Variants in TRARG1 observed in about 807,000 individuals in gnomAD.
The protein encoded by TRARG1 is trafficking regulator of GLUT4 1.
A neutral mutation model predicts 13.3 loss-of-function variants in TRARG1; 16 were observed. The ratio of observed to expected loss-of-function variants is 1.20; its 90% CI spans 0.81 to 1.83. The LOEUF (loss-of-function observed/expected upper bound fraction) is 1.83. Ranked by LOEUF, TRARG1 falls within the 40% of genes most tolerant of loss-of-function variation. The pLI, the probability that TRARG1 is intolerant of heterozygous loss-of-function variation, is 0.00. For missense variants in TRARG1, 250 were observed against 237.4 expected, an observed-to-expected ratio of 1.05 and a Z score of -0.35; for synonymous variants, 113 against 106.2, an observed-to-expected ratio of 1.06 and a Z score of -0.39.
intron 1 of TRARG1, among the ~76,000 whole-genome samples, chr17:1,285,990 G>C (rs570156275): frequency 6.6e-6 from 1 of 152,170 alleles, no homozygotes; most frequent in Non-Finnish European, 1.5e-5. Flanking sequence ...CCTTGGCCAC[G>C]CATAGATCCC....
intron 1 of TRARG1, among the ~76,000 whole-genome samples, chr17:1,287,262 C>G (rs1018525569): frequency 3.3e-5 from 5 of 151,820 alleles, no homozygotes; most frequent in Non-Finnish European, 7.4e-5. Flanking sequence ...GTTGAGGGAG[C>G]CCAGTGTTGA....
intron 1 of TRARG1, among the ~76,000 whole-genome samples, chr17:1,280,701 G>A (rs2071966978): frequency 6.6e-6 from 1 of 152,216 alleles, no homozygotes; most frequent in Non-Finnish European, 1.5e-5. Flanking sequence ...AAGATAGCCA[G>A]GCTGGGGGTC....
Position 1,279,836 on chromosome 17 carries a change from A to C in TRARG1, c.-166A>C. ...GCCTCTGAACTCAGCTGGCTTGAGAAGCTCAGCCCAACCCTTCCAGCACCC... is the reference window on the plus strand; with the variant it reads ...GCCTCTGAACTCAGCTGGCTTGAGACGCTCAGCCCAACCCTTCCAGCACCC... On this transcript the variant is annotated 5_prime_UTR_variant, in exon 1 of 3. Transcript: ENST00000333813. 3 of 731,704 alleles carry C rather than the reference A, an allele frequency of 4.1e-6. No individual in the cohort carries two copies. Among genetic ancestry groups the C allele is most frequent in the Non-Finnish European group, 6.3e-6 (3 of 472,876 alleles). The allele number at this position is 731,704 out of a possible 1,614,324, so 45.3% of individuals were successfully genotyped here.
At chr17:1,297,190 C>G (rs186749501) in intron 2 of TRARG1, among the ~76,000 whole-genome samples, 2 of 152,252 alleles carry the variant, frequency 1.3e-5, no homozygotes, top group Admixed American at 1.3e-4. Context: ...GTCAGAAACG[C>G]AGAACTCCAG....
Position 1,298,238 on chromosome 17 carries a change from TTTTTC to T in TRARG1, c.521-9_521-5del. 1 of 1,613,854 alleles carries T rather than the reference TTTTTC, an allele frequency of 6.2e-7. No homozygotes were observed. The highest frequency in any genetic ancestry group is 8.5e-7 in the Non-Finnish European group (1 of 1,179,846). On this transcript the variant is annotated splice_polypyrimidine_tract_variant and splice_region_variant and intron_variant, in intron 2 of 2. Coordinates refer to ENST00000333813, the MANE Select transcript of TRARG1 (RefSeq NM_172367.3). Reference sequence around the variant, plus strand: ...GAGCCCTGTTCTGCCATATCTGTTTTTTTTCTTTACAGTTCAGAAGAAATAAACTT... The same window carrying T: ...GAGCCCTGTTCTGCCATATCTGTTTTTTTACAGTTCAGAAGAAATAAACTT...
chr17:1,281,593 G>T (rs1488597930), intron 1 of TRARG1, among the ~76,000 whole-genome samples: 2 of 152,160 alleles, frequency 1.3e-5, no homozygotes, highest in African/African-American at 2.4e-5. Context: ...ACTTGGCATG[G>T]GCTGTGGAAG....
intron 1 of TRARG1, among the ~76,000 whole-genome samples, chr17:1,282,273 CACGTATATGTACATATATGT>C (rs1455607911): frequency 2.6e-4 from 24 of 92,034 alleles, no homozygotes; most frequent in African/African-American, 6.9e-4. Context: ...TACATATATG[CACGTATATGTACATATATGT>C]ACGTATATGT....
intron 2 of TRARG1, among the ~76,000 whole-genome samples, chr17:1,296,337 C>G (rs186893817): frequency 1.3e-5 from 2 of 151,792 alleles, no homozygotes; most frequent in African/African-American, 4.8e-5. Context: ...GCTGGGATTA[C>G]AGGCACCAGC....
chr17:1,295,371 T>G lies in TRARG1; in HGVS notation c.388-120T>G, dbSNP rs1430668625. The G allele has an allele frequency of 8.4e-6, 11 of 1,301,828 alleles. No homozygotes were observed. In the East Asian group the frequency reaches 2.7e-4, roughly 32 times the overall value. 80.6% of individuals were successfully genotyped at this position (1,301,828 alleles called of 1,614,324 possible). A position where few individuals can be genotyped will look rare whatever the true frequency, so the allele number is the denominator to read the frequency against. On this transcript the variant is annotated intron_variant, in intron 1 of 2. Transcript: ENST00000333813. ...CTCTCCCCTAGAGTGTGGGCTGCCA[T>G]GGGGACGGGATGTGTCTGGAGGCCC...
chr17:1,293,617 G>C (rs1169991610), intron 1 of TRARG1, among the ~76,000 whole-genome samples: 1 of 151,776 alleles, frequency 6.6e-6, no homozygotes, highest in East Asian at 1.9e-4. Context: ...CGTGGGTTGT[G>C]TTTGATGATG....
At position 1,300,323 on chromosome 17, in the gene TRARG1, C is replaced by T. The variant is rs4790290; in HGVS notation, c.*2059C>T. On this transcript the variant is annotated 3_prime_UTR_variant, in exon 3 of 3. Coordinates refer to ENST00000333813, the MANE Select transcript of TRARG1 (RefSeq NM_172367.3). Reference sequence around the variant, plus strand: ...CAGCAACCCAGGGAGAGGACAGAAACGAACCGATGGTTGAGGGATTGTCAC... The same window carrying T: ...CAGCAACCCAGGGAGAGGACAGAAATGAACCGATGGTTGAGGGATTGTCAC... The T allele has an allele frequency of 0.26, 38,771 of 152,002 alleles. 5,690 individuals are homozygous for T. Among genetic ancestry groups the T allele is most frequent in the South Asian group, 0.44 (2,125 of 4,812 alleles). 9.4% of individuals were successfully genotyped at this position (152,002 alleles called of 1,614,324 possible).
At chr17:1,288,317 C>T (rs2072038828) in intron 1 of TRARG1, among the ~76,000 whole-genome samples, 1 of 134,500 alleles carries the variant, frequency 7.4e-6, no homozygotes, top group Non-Finnish European at 1.6e-5. Flanking sequence ...ACGGGTTCCC[C>T]ATCCCCCACG....
At chr17:1,295,724 AAGG>A (rs2072106895) in intron 2 of TRARG1, 101 bp downstream of exon 2, 23 of 1,419,228 alleles carry the variant, frequency 1.6e-5, no homozygotes, top group Non-Finnish European at 2.2e-5. Flanking sequence ...GGGTTGGGGG[AAGG>A]AGAAGGGCTG....
At position 1,286,473 on chromosome 17, in the gene TRARG1, G is replaced by GTTATCAGCCTGTGGGGTGTTT. The variant is rs1184880272; in HGVS notation, c.387+6106_387+6126dup. Among the ~76,000 whole-genome samples the GTTATCAGCCTGTGGGGTGTTT allele has an allele frequency of 6.7e-5, 10 of 149,008 alleles. No individual in the cohort carries two copies. The East Asian group carries it at 1.4e-3, about 21-fold the overall frequency. On this transcript the variant is annotated intron_variant, in intron 1 of 2. Coordinates refer to ENST00000333813, the MANE Select transcript of TRARG1 (RefSeq NM_172367.3). ...AGTTGTTATCGGCCTGTGGGGTGAT[G>GTTATCAGCCTGTGGGGTGTTT]TTATCAGCCTGTGGGGTGTTTTTAT...
At chr17:1,287,357 T>G (rs566247272) in intron 1 of TRARG1, among the ~76,000 whole-genome samples, 23 of 147,082 alleles carry the variant, frequency 1.6e-4, no homozygotes, top group South Asian at 8.5e-4. Flanking sequence ...GTTGTTTTTG[T>G]TTTTTTTTGT....
intron 1 of TRARG1, among the ~76,000 whole-genome samples, chr17:1,282,349 CGTATATAT>C (rs2071989594): frequency 2.0e-5 from 3 of 151,020 alleles, no homozygotes; most frequent in Admixed American, 6.6e-5. Context: ...TGTACATATG[CGTATATAT>C]GTATATATGT....
intron 2 of TRARG1, 110 bp from the exon 3 acceptor site, chr17:1,298,141 C>T: frequency 1.5e-6 from 2 of 1,344,542 alleles, no homozygotes; most frequent in East Asian, 4.6e-5. Flanking sequence ...CTCCCCTTAT[C>T]CCTATTACCA....
chr17:1,290,546 T>G (rs2072061975), intron 1 of TRARG1, among the ~76,000 whole-genome samples: 1 of 152,184 alleles, frequency 6.6e-6, no homozygotes, highest in Non-Finnish European at 1.5e-5. Flanking sequence ...TCTGCCCACC[T>G]TGGCCTCCCA....
chr17:1,282,246 GTATA>G (rs1449366222), intron 1 of TRARG1, among the ~76,000 whole-genome samples: 1 of 93,988 alleles, frequency 1.1e-5, no homozygotes, highest in Admixed American at 1.2e-4. Context: ...GTATATGCAC[GTATA>G]TGTACGTATA....
Sources: allele counts gnomAD v4.1 joint callset (sites outside exome capture counted in the v4.1 genomes callset), GRCh38; gene constraint gnomAD v4.1.1; transcripts MANE v1.5; gene names NCBI Gene and HGNC (gene_info 2026-07-23, HGNC 2026-07-21).